Variants in CAMSAP1 observed in about 807,000 individuals in gnomAD.
CAMSAP1 encodes calmodulin regulated spectrin associated protein 1.
CAMSAP1 carries 58 observed loss-of-function variants against 143.5 expected under a neutral mutation model. The observed-to-expected ratio is 0.40, with a 90% CI of 0.33 to 0.50. The LOEUF (loss-of-function observed/expected upper bound fraction) is 0.50. Among genes scored for constraint, CAMSAP1 ranks in the 20% least tolerant of loss-of-function variants. CAMSAP1 has a pLI of 0.45. For synonymous variants in CAMSAP1, 945 were observed against 859.3 expected (o/e 1.10, Z -1.74); for missense variants, 1,969 against 2,115.7 (o/e 0.93, Z 1.36).
Position 135,883,042 on chromosome 9 carries a change from A to G in CAMSAP1, c.197T>C (p.Val66Ala). 6.4e-7 allele frequency: 1 copy of G among 1,551,694 alleles called. No homozygotes were observed. The highest frequency in any genetic ancestry group is 1.4e-5 in the African/African-American group (1 of 73,154). The change falls in exon 2 of 17, where the codon GTT becomes GCT. Residue 66 changes from valine to alanine, a missense_variant. Around this residue, in one of 4 missense-constraint regions of CAMSAP1, gnomAD observed 215 missense variants for 196.2 expected, o/e 1.10. Coordinates refer to ENST00000389532, the MANE Select transcript of CAMSAP1 (RefSeq NM_015447.4). ...IPEDLRDPFY[V>A]DQYEQEHIKP... ...AATGTGCTCCTGCTCATACTGGTCA[A>G]CGTAGAAAGGGTCTCTGAGGTCCTC...
chr9:135,907,286 G>T lies in CAMSAP1; in HGVS notation c.-127C>A. On this transcript the variant is annotated 5_prime_UTR_variant, in exon 1 of 17. Transcript: ENST00000389532. ...AGCCGGCCAGCCGGGAGGGGCGCCC[G>T]AGCGCGGCCCCCGCCTCACCTCACA... 1 of 514,966 alleles carries T rather than the reference G, an allele frequency of 1.9e-6. No individual in the cohort carries two copies. Among genetic ancestry groups the T allele is most frequent in the South Asian group, 8.1e-5 (1 of 12,356 alleles). 31.9% of individuals were successfully genotyped at this position (514,966 alleles called of 1,614,324 possible). A position where few individuals can be genotyped will look rare whatever the true frequency, so the allele number is the denominator to read the frequency against.
Position 135,833,350 on chromosome 9 carries a change from G to A in CAMSAP1, c.1046-5766C>T, listed in dbSNP as rs571654177. 1.4e-4 allele frequency among the ~76,000 whole-genome samples: 21 copies of A among 152,140 alleles called. No individual in the cohort carries two copies. The South Asian group carries it at 1.7e-3, about 12-fold the overall frequency. On this transcript the variant is annotated intron_variant, in intron 7 of 16. Transcript: ENST00000389532. The stretch of plus-strand genomic sequence containing the variant: ...CCCGCCTCGGCCTCCCAAAGTGCTG[G>A]GATTACAGGCGTGAGCCACCGCGCC...
At chr9:135,863,524 A>T (rs1478282344) in intron 4 of CAMSAP1, among the ~76,000 whole-genome samples, 1 of 152,264 alleles carries the variant, frequency 6.6e-6, no homozygotes, top group African/African-American at 2.4e-5. Flanking sequence ...ACAATAAAAA[A>T]TGACTGATTT....
chr9:135,878,418 C>G (rs1306075506), intron 3 of CAMSAP1, among the ~76,000 whole-genome samples: 2 of 152,142 alleles, frequency 1.3e-5, no homozygotes, highest in African/African-American at 4.8e-5. Context: ...GTGTGAGAAG[C>G]TGAAATCTGC....
chr9:135,826,659 G>T lies in CAMSAP1; in HGVS notation c.1223+748C>A, dbSNP rs1008395317. 2.0e-5 allele frequency among the ~76,000 whole-genome samples: 3 copies of T among 152,184 alleles called. No homozygotes were observed. Among genetic ancestry groups the T allele is most frequent in the Admixed American group, 6.5e-5 (1 of 15,284 alleles). On this transcript the variant is annotated intron_variant, in intron 8 of 16. Transcript: ENST00000389532. This position sits in a 1 kb window ranked among gnomAD's most constrained non-coding sequence, Gnocchi z 4.4. Reference sequence around the variant, plus strand: ...TTATTTAAAACCACTTTTAAATAGCGTCTTCATCTTAAATCCCAACTTAAA... The same window carrying T: ...TTATTTAAAACCACTTTTAAATAGCTTCTTCATCTTAAATCCCAACTTAAA...
At position 135,820,928 on chromosome 9, in the gene CAMSAP1, C is replaced by T. The variant is rs780360172; in HGVS notation, c.3733G>A (p.Asp1245Asn). The change falls in exon 11 of 17, where the codon GAC becomes AAC. Residue 1245 changes from aspartate to asparagine, a missense_variant. This residue lies in a region of CAMSAP1 where 1,390 missense variants were observed against 1,420.8 expected (regional missense o/e 0.98). Coordinates refer to ENST00000389532, the MANE Select transcript of CAMSAP1 (RefSeq NM_015447.4). The surrounding 1 kb of genome is among the most constrained non-coding windows in gnomAD (Gnocchi z 4.4). ...EVDLSDLKAPDEDGELVSLDG... is the reference protein window; with the variant it reads ...EVDLSDLKAPNEDGELVSLDG... ...AGGCTTACCAGCTCCCCATCCTCGT[C>T]GGGGGCCTTCAGGTCGGAGAGGTCC... 1.7e-5 allele frequency: 27 copies of T among 1,613,684 alleles called. No homozygotes were observed. Among genetic ancestry groups the T allele is most frequent in the East Asian group, 2.2e-5 (1 of 44,896 alleles).
intron 5 of CAMSAP1, among the ~76,000 whole-genome samples, chr9:135,857,748 C>T (rs1471368302): frequency 6.6e-6 from 1 of 152,176 alleles, no homozygotes; most frequent in African/African-American, 2.4e-5. Flanking sequence ...CCCTGTGTTG[C>T]ATGTGGGGCA....
intron 4 of CAMSAP1, among the ~76,000 whole-genome samples, chr9:135,863,187 C>T (rs1259043355): frequency 6.6e-6 from 1 of 152,200 alleles, no homozygotes; most frequent in African/African-American, 2.4e-5. Context: ...GAGGCGAAAT[C>T]CATGCAAGGT....
rs186741880 is a variant in CAMSAP1, at chr9:135,822,528, G to A, written c.2133C>T (p.Thr711=). The stretch of plus-strand genomic sequence containing the variant: ...AACAACTAACATATAACCTTCCCTC[G>A]GTGTCTTCATCGGCCCTGCCTACAT... The part of the protein sequence containing the change: ...FLHVGRADED[T]EGRLYVSCSK... The change falls in exon 11 of 17, where the codon ACC becomes ACT. Residue 711 remains threonine, a synonymous_variant. Coordinates refer to ENST00000389532, the MANE Select transcript of CAMSAP1 (RefSeq NM_015447.4). This position sits in a 1 kb window ranked among gnomAD's most constrained non-coding sequence, Gnocchi z 6.1. 3.7e-5 allele frequency: 59 copies of A among 1,613,754 alleles called. No individual in the cohort carries two copies. The highest frequency in any genetic ancestry group is 3.3e-4 in the Middle Eastern group (2 of 6,062).
Position 135,821,832 on chromosome 9 carries a change from G to C in CAMSAP1, c.2829C>G (p.Asn943Lys). 1 of 1,613,998 alleles carries C rather than the reference G, an allele frequency of 6.2e-7. No homozygotes were observed. Residue 943 changes from asparagine to lysine, a missense_variant, in exon 11 of 17, where the codon AAC becomes AAG. By Grantham distance (94) the Asn-to-Lys change is moderately conservative. Coordinates refer to ENST00000389532, the MANE Select transcript of CAMSAP1 (RefSeq NM_015447.4). The surrounding 1 kb of genome is among the most constrained non-coding windows in gnomAD (Gnocchi z 4.6). The part of the protein sequence containing the change: ...EHFAKEYSQH[N>K]GEDCGDAVSK... ...AAACAGCGTCCCCACAGTCCTCCCC[G>C]TTGTGCTGAGAGTACTCCTTTGCAA...
intron 1 of CAMSAP1, among the ~76,000 whole-genome samples, chr9:135,893,068 G>C (rs1487080500): frequency 6.6e-6 from 1 of 151,754 alleles, no homozygotes; most frequent in Non-Finnish European, 1.5e-5. Flanking sequence ...TCCTCAAGAA[G>C]CTGCAGCTGG....
At chr9:135,825,081 C>T (rs567365500) in intron 8 of CAMSAP1, among the ~76,000 whole-genome samples, 14 of 152,264 alleles carry the variant, frequency 9.2e-5, no homozygotes, top group Middle Eastern at 6.8e-3. Context: ...ACACTGCAAA[C>T]GGGCACACTG....
Position 135,863,791 on chromosome 9 carries a change from G to A in CAMSAP1, c.667-1183C>T, listed in dbSNP as rs151035427. 2.5e-3 allele frequency among the ~76,000 whole-genome samples: 381 copies of A among 152,224 alleles called. 2 individuals carry two copies. Among genetic ancestry groups the A allele is most frequent in the Middle Eastern group, 0.024 (7 of 294 alleles). On this transcript the variant is annotated intron_variant, in intron 4 of 16. Coordinates refer to ENST00000389532, the MANE Select transcript of CAMSAP1 (RefSeq NM_015447.4). ...CGTGACCCGCCTCATACTGTACCAC[G>A]CGTGCAAACTCCACGGGTTCCAGCA... is the stretch of plus-strand genomic sequence containing the variant.
chr9:135,892,305 C>T (rs1226236097), intron 1 of CAMSAP1, among the ~76,000 whole-genome samples: 1 of 152,024 alleles, frequency 6.6e-6, no homozygotes, highest in Non-Finnish European at 1.5e-5. Flanking sequence ...AGTTACCATG[C>T]TTCAAACAAT....
chr9:135,892,666 C>T (rs1050837176), intron 1 of CAMSAP1, among the ~76,000 whole-genome samples: 5 of 151,670 alleles, frequency 3.3e-5, no homozygotes, highest in Admixed American at 1.3e-4. Context: ...TCCTGGCCAA[C>T]GTGGTGAAAC....
chr9:135,902,505 T>C (rs989302877), intron 1 of CAMSAP1, among the ~76,000 whole-genome samples: 14 of 152,212 alleles, frequency 9.2e-5, no homozygotes, highest in Non-Finnish European at 1.8e-4. Flanking sequence ...AAAGGGGCTC[T>C]GAGCACAGAT....
At chr9:135,838,394 T>TA (rs1216094755) in intron 7 of CAMSAP1, among the ~76,000 whole-genome samples, 1 of 147,006 alleles carries the variant, frequency 6.8e-6, no homozygotes, top group Non-Finnish European at 1.5e-5. Flanking sequence ...CCACCCGTTC[T>TA]ACAGACACAC....
intron 1 of CAMSAP1, among the ~76,000 whole-genome samples, chr9:135,900,561 G>C (rs1201625509): frequency 1.3e-5 from 2 of 151,800 alleles, no homozygotes; most frequent in African/African-American, 4.8e-5. Context: ...CGGGCGTTGT[G>C]GCAAGCGCCT....
At chr9:135,815,065 C>T (rs996160352) in intron 16 of CAMSAP1, 32 bp downstream of exon 16, 4 of 1,445,072 alleles carry the variant, frequency 2.8e-6, no homozygotes, top group Admixed American at 3.5e-5. Context: ...TTTTATTCCA[C>T]ATAAAAACTG....
Sources: allele counts gnomAD v4.1 joint callset (sites outside exome capture counted in the v4.1 genomes callset), GRCh38; gene constraint gnomAD v4.1.1; regional missense constraint gnomAD v4.1.1; non-coding constraint Gnocchi (gnomAD v3.1); transcripts MANE v1.5; gene names NCBI Gene and HGNC (gene_info 2026-07-23, HGNC 2026-07-21).